AP4B1: variants seen among roughly 807,000 people sequenced by gnomAD.
AP4B1 encodes the protein adaptor related protein complex 4 subunit beta 1.
In AP4B1, 49 loss-of-function variants were observed where a neutral mutation model predicts 76.5. The ratio of observed to expected loss-of-function variants is 0.64; its 90% CI spans 0.51 to 0.81. AP4B1 has a LOEUF of 0.81. AP4B1 is among the 40% of genes least tolerant of loss of function. The pLI, the probability that AP4B1 is intolerant of heterozygous loss-of-function variation, is 0.00. For synonymous variants in AP4B1, 330 were observed against 333.3 expected, an observed-to-expected ratio of 0.99 and a Z score of 0.11; for missense variants, 911 against 904.9, an observed-to-expected ratio of 1.01 and a Z score of -0.09.
rs376478015 is a variant in AP4B1 at position 113,901,276 on chromosome 1, C to T, written c.577G>A (p.Val193Ile). 1.2e-4 allele frequency: 200 copies of T among 1,614,022 alleles called. No individual in the cohort carries two copies. Among genetic ancestry groups the T allele is most frequent in the Non-Finnish European group, 1.6e-4 (191 of 1,180,030 alleles). ...TGAGCAATGGGCTTATTGATGACAA[C>T]GCCTCCTTCCTGTTTCAGAATTTCC... ...LEEILKQEGG[V>I]VINKPIAHHL... is the part of the protein sequence containing the mutation. Residue 193 changes from valine to isoleucine, a missense_variant, in exon 4 of 10, where the codon GTT (valine) becomes ATT (isoleucine). Coordinates refer to ENST00000369569, the MANE Select transcript of AP4B1 (RefSeq NM_001253852.3).
intron 4 of AP4B1, chr1:113,900,819 G>C (rs1165105610): frequency 3.6e-6 from 1 of 281,028 alleles, no homozygotes; most frequent in Non-Finnish European, 6.9e-6. Flanking sequence ...GTTAATAGTG[G>C]TTAACTGGCC....
Position 113,904,605 on chromosome 1 carries a change from C to A in AP4B1, c.113G>T (p.Arg38Met). ...GCACGCGAAGGGAGGTAGGTGATACCTAATCACTCGCTGGATGACATTCCG... is the reference window on the plus strand; with the variant it reads ...GCACGCGAAGGGAGGTAGGTGATACATAATCACTCGCTGGATGACATTCCG... The part of the protein sequence containing the change: ...RYRNVIQRVI[R>M]YMTQGLDMSG... Residue 38 changes from arginine to methionine, a missense_variant and splice_region_variant, in exon 1 of 10, where the codon AGG becomes ATG. Arg to Met is a moderately conservative substitution (Grantham distance 91). Coordinates refer to ENST00000369569, the MANE Select transcript of AP4B1 (RefSeq NM_001253852.3). 1 of 1,613,876 alleles carries A rather than the reference C, an allele frequency of 6.2e-7. No individual in the cohort carries two copies. Among genetic ancestry groups the A allele is most frequent in the South Asian group, 1.1e-5 (1 of 91,058 alleles).
chr1:113,902,699 C>T lies in AP4B1; in HGVS notation c.277G>A (p.Asp93Asn). The T allele has an allele frequency of 6.2e-7, 1 of 1,614,118 alleles. No individual in the cohort carries two copies. The highest frequency in any genetic ancestry group is 8.5e-7 in the Non-Finnish European group (1 of 1,180,038). ...ACCATTGGATTGGGGTCTGAGCAGTCTTTGCACAGCGTATTGATGGCCAGG... is the reference window on the plus strand; with the variant it reads ...ACCATTGGATTGGGGTCTGAGCAGTTTTTGCACAGCGTATTGATGGCCAGG... ...ALLAINTLCK[D>N]CSDPNPMVRG... The change falls in exon 2 of 10, where the codon GAC (aspartate) becomes AAC (asparagine). Residue 93 changes from aspartate to asparagine, a missense_variant. Physicochemically the swap from Asp to Asn is conservative, Grantham distance 23. Coordinates refer to ENST00000369569, the MANE Select transcript of AP4B1 (RefSeq NM_001253852.3).
At chr1:113,900,478 G>C (rs556361029) in intron 4 of AP4B1, 78 bp from the exon 5 acceptor site, 1 of 1,540,494 alleles carries the variant, frequency 6.5e-7, no homozygotes, top group Admixed American at 1.9e-5. Flanking sequence ...ATATGACCAG[G>C]TGGTTGTTCA....
intron 5 of AP4B1, chr1:113,899,355 G>A (rs1667919172): frequency 2.0e-6 from 2 of 1,010,518 alleles, no homozygotes; most frequent in African/African-American, 3.5e-5. Context: ...GAAAAAGTCT[G>A]TAAGATTTAG....
At chr1:113,898,158 G>A in intron 6 of AP4B1, 9 of 448,412 alleles carry the variant, frequency 2.0e-5, no homozygotes, top group Non-Finnish European at 2.7e-5. Context: ...GAGGATAAAT[G>A]AACTAATGTA....
intron 2 of AP4B1, among the ~76,000 whole-genome samples, chr1:113,902,316 C>T (rs1668375816): frequency 6.6e-6 from 1 of 152,180 alleles, no homozygotes; most frequent in Non-Finnish European, 1.5e-5. Flanking sequence ...CAGGCATGAG[C>T]CACTGTGCCC....
chr1:113,897,653 C>T lies in AP4B1; in HGVS notation c.1302+187G>A, dbSNP rs903502184. The T allele has an allele frequency of 2.0e-5, 13 of 645,274 alleles. No individual in the cohort carries two copies. The Admixed American group carries it at 3.2e-4, about 16-fold the overall frequency. 40.0% of individuals were successfully genotyped at this position (645,274 alleles called of 1,614,324 possible). On this transcript the variant is annotated intron_variant, in intron 7 of 9. Coordinates refer to ENST00000369569, the MANE Select transcript of AP4B1 (RefSeq NM_001253852.3). ...TGGTATCACAGTTTTGTAATAAAAC[C>T]CGTCGGATAAATCTTGTTTTTATAA...
At position 113,901,278 on chromosome 1, in the gene AP4B1, C is replaced by A; in HGVS notation, c.575G>T (p.Gly192Val). 1.2e-6 allele frequency: 2 copies of A among 1,614,128 alleles called. No individual in the cohort carries two copies. The highest frequency in any genetic ancestry group is 1.7e-6 in the Non-Finnish European group (2 of 1,180,032). Residue 192 changes from glycine (G) to valine (V), a missense_variant, in exon 4 of 10, where the codon GGC becomes GTC. Transcript: ENST00000369569. ...SLEEILKQEG[G>V]VVINKPIAHH... ...AGCAATGGGCTTATTGATGACAACG[C>A]CTCCTTCCTGTTTCAGAATTTCCTC...
At chr1:113,904,500 G>T in intron 1 of AP4B1, 105 bp downstream of exon 1, 1 of 1,060,106 alleles carries the variant, frequency 9.4e-7, no homozygotes, top group Non-Finnish European at 1.5e-6. Flanking sequence ...CCATATAACT[G>T]CCACGTGTGA....
At chr1:113,899,093 A>G in intron 5 of AP4B1, 1 of 1,228,442 alleles carries the variant, frequency 8.1e-7, no homozygotes, top group Non-Finnish European at 1.0e-6. Flanking sequence ...CATGGCAGCC[A>G]GATATGAGGT....
Position 113,904,664 on chromosome 1 carries a change from G to C in AP4B1, c.54C>G (p.Cys18Trp). Reference protein sequence around the residue: ...DVVKELKKALCNPHIQADRLR... With the variant: ...DVVKELKKALWNPHIQADRLR... ...GCCTATCAGCTTGAATGTGAGGATT[G>C]CACAGAGCCTTCTTCAGCTCCTTCA... is the stretch of plus-strand genomic sequence containing the variant. Residue 18 changes from cysteine to tryptophan, a missense_variant, in exon 1 of 10, where the codon TGC (cysteine) becomes TGG (tryptophan). Transcript: ENST00000369569. The C allele has an allele frequency of 6.2e-7, 1 of 1,613,288 alleles. No individual in the cohort carries two copies. Among genetic ancestry groups the C allele is most frequent in the Non-Finnish European group, 8.5e-7 (1 of 1,180,014 alleles).
Position 113,895,129 on chromosome 1 carries a change from G to A in AP4B1, c.2156C>T (p.Thr719Met), listed in dbSNP as rs564093511. ...TAATACAGAAATAAAACTATTCAGC[G>A]TCTCCGTTCTTGCTTCATTTTGTTT... ...SVKQNEARTE[T>M]LNSFISVLET... Residue 719 changes from threonine (T) to methionine (M), a missense_variant, in exon 10 of 10, where the codon ACG becomes ATG. Transcript: ENST00000369569. 25 of 1,614,130 alleles carry A rather than the reference G, an allele frequency of 1.5e-5. No individual in the cohort carries two copies. The highest frequency in any genetic ancestry group is 6.7e-5 in the East Asian group (3 of 44,882).
chr1:113,895,779 T>G lies in AP4B1; in HGVS notation c.1770A>C (p.Lys590Asn). ...GAERCDPELP[K>N]TSSFAASGPL... ...TACCTGATGCGGCAAAGGATGAAGT[T>G]TTAGGAAGCTCTGGGTCACAACGCT... Residue 590 changes from lysine (K) to asparagine (N), a missense_variant, in exon 9 of 10, where the codon AAA (lysine) becomes AAC (asparagine). By Grantham distance (94) the Lys-to-Asn change is moderately conservative. Transcript: ENST00000369569. 1 of 1,614,206 alleles carries G rather than the reference T, an allele frequency of 6.2e-7. No homozygotes were observed. The highest frequency in any genetic ancestry group is 1.6e-4 in the Middle Eastern group (1 of 6,062).
rs2100997781 is a variant in AP4B1 at position 113,896,316 on chromosome 1, G to A, written c.1452C>T (p.Phe484=). The A allele has an allele frequency of 6.2e-7, 1 of 1,614,190 alleles. No individual in the cohort carries two copies. Among genetic ancestry groups the A allele is most frequent in the South Asian group, 1.1e-5 (1 of 91,084 alleles). The change falls in exon 8 of 10, where the codon TTC becomes TTT. Residue 484 remains phenylalanine, a synonymous_variant. Transcript: ENST00000369569. ...MELLTALLRL[F]LSRPAECQDM... is the part of the protein sequence containing the mutation. The stretch of plus-strand genomic sequence containing the variant: ...CCTGGCACTCAGCAGGTCGGGAGAG[G>A]AAAAGGCGCAGCAAAGCAGTGAGCA...
At position 113,904,592 on chromosome 1, in the gene AP4B1, A is replaced by C. The variant is rs1284441911; in HGVS notation, c.113+13T>G. 4 of 1,612,142 alleles carry C rather than the reference A, an allele frequency of 2.5e-6. No homozygotes were observed. The African/African-American group carries it at 4.0e-5, about 16-fold the overall frequency. On this transcript the variant is annotated intron_variant, in intron 1 of 9. Coordinates refer to ENST00000369569, the MANE Select transcript of AP4B1 (RefSeq NM_001253852.3). Reference sequence around the variant, plus strand: ...AAGGGAGCAGTTAGCACGCGAAGGGAGGTAGGTGATACCTAATCACTCGCT... The same window carrying C: ...AAGGGAGCAGTTAGCACGCGAAGGGCGGTAGGTGATACCTAATCACTCGCT...
intron 8 of AP4B1, 92 bp from the exon 9 acceptor site, chr1:113,896,130 G>A (rs1667434368): frequency 3.7e-6 from 6 of 1,600,480 alleles, no homozygotes; most frequent in Non-Finnish European, 5.1e-6. Context: ...AAATGAAGGA[G>A]AGAGGAAAAC....
Position 113,904,657 on chromosome 1 carries a change from G to C in AP4B1, c.61C>G (p.His21Asp). ...TAGCGCAGCCTATCAGCTTGAATGTGAGGATTGCACAGAGCCTTCTTCAGC... is the reference window on the plus strand; with the variant it reads ...TAGCGCAGCCTATCAGCTTGAATGTCAGGATTGCACAGAGCCTTCTTCAGC... ...KELKKALCNPHIQADRLRYRN... is the reference protein window; with the variant it reads ...KELKKALCNPDIQADRLRYRN... The change falls in exon 1 of 10, where the codon CAC (histidine) becomes GAC (aspartate). Residue 21 changes from histidine to aspartate, a missense_variant. By Grantham distance (81) the His-to-Asp change is moderately conservative. Coordinates refer to ENST00000369569, the MANE Select transcript of AP4B1 (RefSeq NM_001253852.3). 6.2e-6 allele frequency: 10 copies of C among 1,613,466 alleles called. No homozygotes were observed. Among genetic ancestry groups the C allele is most frequent in the South Asian group, 1.1e-5 (1 of 91,046 alleles).
intron 5 of AP4B1, chr1:113,899,178 C>G: frequency 3.8e-6 from 4 of 1,060,534 alleles, no homozygotes; most frequent in Non-Finnish European, 4.6e-6. Flanking sequence ...CTAAGGATTT[C>G]TTGTCTCCTC....
Sources: allele counts gnomAD v4.1 joint callset (sites outside exome capture counted in the v4.1 genomes callset), GRCh38; gene constraint gnomAD v4.1.1; transcripts MANE v1.5; gene names NCBI Gene and HGNC (gene_info 2026-07-23, HGNC 2026-07-21).